ZNF385D: variants seen among roughly 807,000 people sequenced by gnomAD.
ZNF385D encodes zinc finger protein 385D.
ZNF385D carries 15 observed loss-of-function variants against 35.8 expected under a neutral mutation model. The ratio of observed to expected loss-of-function variants is 0.42; its 90% CI spans 0.28 to 0.64. The LOEUF is 0.64. Ranked by LOEUF, ZNF385D falls within the 30% of genes least tolerant of loss-of-function variation. The pLI, the probability that ZNF385D is intolerant of heterozygous loss-of-function variation, is 0.23. For missense variants in ZNF385D, 474 were observed against 494.6 expected, an observed-to-expected ratio of 0.96 and a Z score of 0.39; for synonymous variants, 212 against 186.8, an observed-to-expected ratio of 1.13 and a Z score of -1.10.
intron 3 of ZNF385D, among the ~76,000 whole-genome samples, chr3:21,532,899 A>T (rs962717778): frequency 6.6e-6 from 1 of 152,194 alleles, no homozygotes; most frequent in African/African-American, 2.4e-5. Flanking sequence ...TCTAAAACTC[A>T]TCATCTGGCA....
chr3:21,501,267 A>G (rs949935296), intron 4 of ZNF385D, among the ~76,000 whole-genome samples: 1 of 152,046 alleles, frequency 6.6e-6, no homozygotes, highest in Non-Finnish European at 1.5e-5. Context: ...TTTCTTGCCT[A>G]TTAAACTCTC....
At chr3:22,330,779 A>G (rs2125460057) in intron 2 of ZNF385D, among the ~76,000 whole-genome samples, 1 of 152,324 alleles carries the variant, frequency 6.6e-6, no homozygotes, top group South Asian at 2.1e-4. Flanking sequence ...GAATAAATGG[A>G]GAACTCTATC....
chr3:21,505,955 G>A (rs748669109), intron 4 of ZNF385D, among the ~76,000 whole-genome samples: 8 of 151,910 alleles, frequency 5.3e-5, no homozygotes, highest in Admixed American at 1.3e-4. Context: ...CTCCTCCCTC[G>A]AAGTACCTAT....
At chr3:21,769,931 C>T (rs1007982280) in intron 3 of ZNF385D, among the ~76,000 whole-genome samples, 27 of 151,848 alleles carry the variant, frequency 1.8e-4, no homozygotes, top group African/African-American at 6.5e-4. Flanking sequence ...GAAATAATAC[C>T]ACACATCTAC....
chr3:21,698,803 G>A lies in ZNF385D; in HGVS notation c.23-33775C>T, dbSNP rs573523971. ...AAACCACAACGAGATACCATCTCAC[G>A]CCAGTTAGAATGGCAGTCATTAAAA... On this transcript the variant is annotated intron_variant, in intron 1 of 7. Coordinates refer to ENST00000281523, the MANE Select transcript of ZNF385D (RefSeq NM_024697.3). Among the ~76,000 whole-genome samples the A allele has an allele frequency of 4.3e-3, 649 of 152,088 alleles. 2 individuals carry two copies. Among genetic ancestry groups the A allele is most frequent in the Non-Finnish European group, 8.0e-3 (541 of 67,968 alleles).
chr3:22,298,722 TA>T (rs1386464204), intron 2 of ZNF385D, among the ~76,000 whole-genome samples: 1 of 148,520 alleles, frequency 6.7e-6, no homozygotes, highest in African/African-American at 2.5e-5. Context: ...AAAAAAAAAA[TA>T]AAATGATCTA....
intron 1 of ZNF385D, among the ~76,000 whole-genome samples, chr3:21,733,615 T>C (rs1160509239): frequency 6.6e-6 from 1 of 152,188 alleles, no homozygotes; most frequent in Non-Finnish European, 1.5e-5. Flanking sequence ...AATTTGTCAT[T>C]TTTCTCTTTT....
chr3:22,150,294 G>C (rs977720192), intron 3 of ZNF385D, among the ~76,000 whole-genome samples: 2 of 152,068 alleles, frequency 1.3e-5, no homozygotes, highest in African/African-American at 4.8e-5. Flanking sequence ...TTAACTGCCA[G>C]ATGGCTCCTA....
At chr3:21,433,011 G>T (rs1701372060) in intron 5 of ZNF385D, among the ~76,000 whole-genome samples, 1 of 152,058 alleles carries the variant, frequency 6.6e-6, no homozygotes, top group Non-Finnish European at 1.5e-5. Context: ...TGCCATTATG[G>T]CTTCTTAACT....
intron 3 of ZNF385D, among the ~76,000 whole-genome samples, chr3:21,823,147 G>C (rs1349818989): frequency 6.6e-6 from 1 of 152,036 alleles, no homozygotes; most frequent in Non-Finnish European, 1.5e-5. Context: ...GTACATATAT[G>C]TTTATTGATA....
intron 2 of ZNF385D, among the ~76,000 whole-genome samples, chr3:21,637,128 C>T (rs1017968989): frequency 6.6e-6 from 1 of 151,962 alleles, no homozygotes; most frequent in Non-Finnish European, 1.5e-5. Context: ...TTTATCTTTG[C>T]TTTTGTTGCA....
chr3:21,929,036 A>G (rs558959247), intron 3 of ZNF385D, among the ~76,000 whole-genome samples: 2 of 152,296 alleles, frequency 1.3e-5, no homozygotes, highest in East Asian at 1.9e-4. Flanking sequence ...AAAGAAAGCT[A>G]TAATTCAATA....
At chr3:21,713,075 A>G (rs972910500) in intron 1 of ZNF385D, among the ~76,000 whole-genome samples, 4 of 152,212 alleles carry the variant, frequency 2.6e-5, no homozygotes, top group Admixed American at 2.6e-4. Context: ...GGAGCCACTG[A>G]TGAAGAAGGC....
chr3:21,919,490 A>G (rs780159111), intron 3 of ZNF385D, among the ~76,000 whole-genome samples: 1 of 152,192 alleles, frequency 6.6e-6, no homozygotes, highest in Admixed American at 6.5e-5. Flanking sequence ...TCATATCTCA[A>G]TTCAAAAAAG....
At chr3:21,729,630 T>G (rs2068908534) in intron 1 of ZNF385D, among the ~76,000 whole-genome samples, 1 of 152,138 alleles carries the variant, frequency 6.6e-6, no homozygotes, top group Non-Finnish European at 1.5e-5. Flanking sequence ...AATCTTGAAT[T>G]GGGCTGTCAA....
rs568445599 is a variant in ZNF385D, at chr3:22,079,411, A to T, written c.325+89406T>A. 2.0e-5 allele frequency among the ~76,000 whole-genome samples: 3 copies of T among 152,098 alleles called. No individual in the cohort carries two copies. In the East Asian group the frequency reaches 5.8e-4, roughly 29 times the overall value. The stretch of plus-strand genomic sequence containing the variant: ...ATATAAAAATATGAAGTAAAAATTG[A>T]CATTCTGTTGAAGATCTTTTCTATA... On this transcript the variant is annotated intron_variant, in intron 3 of 5. Transcript: ENST00000494108.
intron 2 of ZNF385D, among the ~76,000 whole-genome samples, chr3:22,367,845 G>A (rs1696726107): frequency 6.6e-6 from 1 of 152,092 alleles, no homozygotes; most frequent in Non-Finnish European, 1.5e-5. Context: ...GGGAACATCT[G>A]GCCTCATGTT....
At chr3:22,042,493 T>A (rs1698726693) in intron 3 of ZNF385D, among the ~76,000 whole-genome samples, 2 of 152,156 alleles carry the variant, frequency 1.3e-5, no homozygotes, top group African/African-American at 4.8e-5. Context: ...TCTTAAGGTA[T>A]CGTTCTGCAG....
At chr3:22,044,269 G>A (rs911346352) in intron 3 of ZNF385D, among the ~76,000 whole-genome samples, 2 of 151,896 alleles carry the variant, frequency 1.3e-5, no homozygotes, top group African/African-American at 4.8e-5. Context: ...GTTAGGAATG[G>A]GACCAGTCGT....
Sources: allele counts gnomAD v4.1 joint callset (sites outside exome capture counted in the v4.1 genomes callset), GRCh38; gene constraint gnomAD v4.1.1; transcripts MANE v1.5; gene names NCBI Gene and HGNC (gene_info 2026-07-23, HGNC 2026-07-21).